Variants in PSPC1 observed in about 807,000 individuals in gnomAD.
PSPC1 encodes paraspeckle component 1.
Under a neutral mutation model 51.6 loss-of-function variants are expected in PSPC1, and 14 were observed. That is an observed-to-expected ratio of 0.27 (90% CI 0.18 to 0.42). The LOEUF is 0.42. PSPC1 is among the 10% of genes least tolerant of loss of function. The pLI is 1.00. For synonymous variants in PSPC1, 193 were observed against 231.9 expected, an observed-to-expected ratio of 0.83 and a Z score of 1.53; for missense variants, 406 against 701.1, an observed-to-expected ratio of 0.58 and a Z score of 4.75.
At chr13:19,779,742 C>T (rs1889684565) in intron 1 of PSPC1, among the ~76,000 whole-genome samples, 1 of 87,922 alleles carries the variant, frequency 1.1e-5, no homozygotes, top group Non-Finnish European at 2.3e-5. Flanking sequence ...GGGGGGGGGT[C>T]AGCCCTCCGC....
chr13:19,712,142 C>A (rs1593593079), intron 6 of PSPC1, among the ~76,000 whole-genome samples: 1 of 152,152 alleles, frequency 6.6e-6, no homozygotes, highest in East Asian at 1.9e-4. Flanking sequence ...GCTGGTTACA[C>A]ACCAGCACCA....
intron 2 of PSPC1, among the ~76,000 whole-genome samples, chr13:19,767,224 A>G (rs1888160482): frequency 6.6e-6 from 1 of 152,180 alleles, no homozygotes; most frequent in Non-Finnish European, 1.5e-5. Flanking sequence ...CTGAAGAAAG[A>G]GCATTCTCTA....
intron 1 of PSPC1, among the ~76,000 whole-genome samples, chr13:19,779,068 G>A (rs1227570804): frequency 8.5e-6 from 1 of 117,670 alleles, no homozygotes; most frequent in African/African-American, 3.1e-5. Flanking sequence ...CCGAGACCCC[G>A]TCTGGGAGGT....
rs371539621 is a variant in PSPC1 at position 19,692,775 on chromosome 13, C to T, written c.1159-14952G>A. 1.3e-3 allele frequency among the ~76,000 whole-genome samples: 202 copies of T among 152,206 alleles called. 1 individual carries two copies. Among genetic ancestry groups the T allele is most frequent in the African/African-American group, 4.5e-3 (186 of 41,510 alleles). Reference sequence around the variant, plus strand: ...TAGGACACTTTGCATCTCCCTCCTCCGCCCTCCCAATACATTAGAAACAGC... The same window carrying T: ...TAGGACACTTTGCATCTCCCTCCTCTGCCCTCCCAATACATTAGAAACAGC... On this transcript the variant is annotated intron_variant and NMD_transcript_variant, in intron 6 of 7. Transcript: ENST00000471658.
At chr13:19,778,828 G>A (rs1457827831) in intron 1 of PSPC1, among the ~76,000 whole-genome samples, 1,543 of 58,406 alleles carry the variant, frequency 0.026, no homozygotes, top group East Asian at 0.065. Context: ...CTGCCTGGCC[G>A]CCCATCGTCT....
intron 6 of PSPC1, among the ~76,000 whole-genome samples, chr13:19,686,902 T>C (rs1017370577): frequency 3.3e-5 from 5 of 152,112 alleles, no homozygotes; most frequent in Admixed American, 6.5e-5. Context: ...AGTATGAATA[T>C]AGCCATCTTT....
chr13:19,718,617 A>G (rs568711131), intron 6 of PSPC1, among the ~76,000 whole-genome samples: 5 of 152,222 alleles, frequency 3.3e-5, no homozygotes, highest in South Asian at 2.1e-4. Flanking sequence ...TGATACAGCA[A>G]TATCACTCTT....
intron 7 of PSPC1, among the ~76,000 whole-genome samples, chr13:19,708,683 A>G (rs1326273434): frequency 1.3e-5 from 2 of 152,194 alleles, no homozygotes; most frequent in Non-Finnish European, 2.9e-5. Context: ...GACTACAAAC[A>G]CTGAGTGCAC....
In PSPC1 at chr13:19,782,366, C is replaced by A; in HGVS notation, c.372+20G>T. ...CCCCGACAGTCCTTTTGTTCCCTCG[C>A]GCGGGCGCCTGACACTCACCAAGCG... On this transcript the variant is annotated intron_variant, in intron 1 of 8. Transcript: ENST00000338910. The surrounding 1 kb of genome is among the most constrained non-coding windows in gnomAD (Gnocchi z 4.5). 1 of 1,561,058 alleles carries A rather than the reference C, an allele frequency of 6.4e-7. No homozygotes were observed. The highest frequency in any genetic ancestry group is 8.7e-7 in the Non-Finnish European group (1 of 1,154,142).
chr13:19,761,339 A>T (rs1247169097), intron 2 of PSPC1, among the ~76,000 whole-genome samples: 2 of 152,132 alleles, frequency 1.3e-5, no homozygotes, highest in Non-Finnish European at 2.9e-5. Flanking sequence ...ATGGAGGGGA[A>T]GAGGAATAAG....
intron 6 of PSPC1, among the ~76,000 whole-genome samples, chr13:19,687,674 T>TTAACCACCCAGC (rs1878076813): frequency 1.9e-4 from 1 of 5,292 alleles, no homozygotes. Context: ...TAAATCCCAG[T>TTAACCACCCAGC]CGTGACCATA....
chr13:19,693,672 C>A (rs1020227810), intron 6 of PSPC1, among the ~76,000 whole-genome samples: 1 of 151,998 alleles, frequency 6.6e-6, no homozygotes, highest in Non-Finnish European at 1.5e-5. Context: ...TGATAGCAAA[C>A]ACAAAAGGAA....
intron 2 of PSPC1, among the ~76,000 whole-genome samples, chr13:19,768,860 C>T (rs1433231956): frequency 6.6e-6 from 1 of 150,692 alleles, no homozygotes; most frequent in Non-Finnish European, 1.5e-5. Context: ...GGCAACTGGG[C>T]ACAGTGGCTC....
chr13:19,765,492 A>G (rs1887985393), intron 2 of PSPC1, among the ~76,000 whole-genome samples: 1 of 146,930 alleles, frequency 6.8e-6, no homozygotes, highest in South Asian at 2.1e-4. Context: ...AAGAAAAGGG[A>G]TCTAATTTTT....
intron 6 of PSPC1, among the ~76,000 whole-genome samples, chr13:19,696,571 C>T (rs1018946325): frequency 1.3e-5 from 2 of 151,914 alleles, no homozygotes; most frequent in South Asian, 2.1e-4. Context: ...AATATATATA[C>T]TTATGGTCTT....
intron 4 of PSPC1, among the ~76,000 whole-genome samples, chr13:19,747,764 AG>A (rs1886145489): frequency 6.6e-6 from 1 of 152,224 alleles, no homozygotes; most frequent in African/African-American, 2.4e-5. Flanking sequence ...CCTACAAAAA[AG>A]CAGAAGGTAG....
intron 5 of PSPC1, among the ~76,000 whole-genome samples, chr13:19,733,024 T>C (rs886081541): frequency 1.7e-4 from 26 of 152,138 alleles, no homozygotes; most frequent in African/African-American, 6.0e-4. Context: ...AGTGACCTTG[T>C]TGGGGGCCCA....
downstream of PSPC1, chr13:19,673,086 CG>C (rs10706287): frequency 0.68 from 295,315 of 431,708 alleles, 106,558 homozygotes; most frequent in East Asian, 0.89. Flanking sequence ...GGAACCTATA[CG>C]GTTTTTTTTT....
At chr13:19,743,526 T>C (rs879827692) in intron 4 of PSPC1, among the ~76,000 whole-genome samples, 2 of 152,200 alleles carry the variant, frequency 1.3e-5, no homozygotes, top group African/African-American at 2.4e-5. Flanking sequence ...CTCCAGCTAT[T>C]ACATGATTCA....
Sources: gnomAD v4.1 joint callset for allele counts (sites outside exome capture counted in the v4.1 genomes callset) on GRCh38, gnomAD v4.1.1 for gene constraint, Gnocchi (gnomAD v3.1) non-coding constraint, MANE v1.5 for transcripts, NCBI Gene and HGNC (gene_info 2026-07-23, HGNC 2026-07-21) for gene names.